The following PTPRM variants were observed in gnomAD, a reference collection of about 807,000 sequenced individuals.
The protein encoded by PTPRM is protein tyrosine phosphatase receptor type M, also known as receptor-type tyrosine-protein phosphatase mu.
In PTPRM, 47 loss-of-function variants were observed where a neutral mutation model predicts 186.7. That is an observed-to-expected ratio of 0.25 (90% CI 0.20 to 0.32). The LOEUF is 0.32. Among genes scored for constraint, PTPRM ranks in the 10% least tolerant of loss-of-function variants. The pLI is 1.00. For synonymous variants in PTPRM, 668 were observed against 674.9 expected, an observed-to-expected ratio of 0.99 and a Z score of 0.16; for missense variants, 1,494 against 1,865.0, an observed-to-expected ratio of 0.80 and a Z score of 3.66.
At chr18:8,259,578 T>C (rs1480266445) in intron 19 of PTPRM, among the ~76,000 whole-genome samples, 2 of 152,062 alleles carry the variant, frequency 1.3e-5, no homozygotes, top group African/African-American at 2.4e-5. Flanking sequence ...TGCCTTTGTC[T>C]ATATTTGACA....
At chr18:7,708,263 A>C (rs768761225) in intron 1 of PTPRM, among the ~76,000 whole-genome samples, 1 of 152,202 alleles carries the variant, frequency 6.6e-6, no homozygotes, top group African/African-American at 2.4e-5. Context: ...CTATACATCA[A>C]CCCAGTGGAT....
intron 1 of PTPRM, among the ~76,000 whole-genome samples, chr18:7,653,072 A>T (rs1187133652): frequency 6.6e-6 from 1 of 151,706 alleles, no homozygotes; most frequent in South Asian, 2.1e-4. Context: ...TGAACAATAC[A>T]TGTCATTAGG....
chr18:8,203,291 A>C (rs1285984703), intron 14 of PTPRM, among the ~76,000 whole-genome samples: 1 of 152,254 alleles, frequency 6.6e-6, no homozygotes, highest in African/African-American at 2.4e-5. Flanking sequence ...AAATCAGAGA[A>C]GTATGATACA....
chr18:8,241,787 G>C (rs958367176), intron 14 of PTPRM, among the ~76,000 whole-genome samples: 1 of 152,204 alleles, frequency 6.6e-6, no homozygotes, highest in Non-Finnish European at 1.5e-5. Flanking sequence ...ATGAAGGCTT[G>C]CAGAAGACAT....
intron 1 of PTPRM, among the ~76,000 whole-genome samples, chr18:7,573,137 CA>C (rs898687299): frequency 7.2e-5 from 11 of 152,240 alleles, no homozygotes; most frequent in Admixed American, 6.5e-5. Context: ...GAGAAAAAGA[CA>C]AAAACAGGAT....
chr18:7,938,325 A>G (rs1290651240), intron 5 of PTPRM, among the ~76,000 whole-genome samples: 3 of 152,132 alleles, frequency 2.0e-5, no homozygotes, highest in Admixed American at 6.5e-5. Context: ...AGGCATATTG[A>G]CTAAGGAAAA....
chr18:8,068,475 T>G (rs538572042), intron 7 of PTPRM, among the ~76,000 whole-genome samples: 2 of 152,328 alleles, frequency 1.3e-5, no homozygotes, highest in South Asian at 2.1e-4. Flanking sequence ...ATAAACAAAT[T>G]TAAGCTTTCT....
At chr18:8,077,113 T>C (rs553832151) in intron 9 of PTPRM, among the ~76,000 whole-genome samples, 76 of 152,304 alleles carry the variant, frequency 5.0e-4, no homozygotes, top group African/African-American at 1.8e-3. Context: ...AAGAATTTGA[T>C]GAATTGTTCA....
intron 9 of PTPRM, among the ~76,000 whole-genome samples, chr18:8,084,194 G>C (rs981827466): frequency 6.6e-6 from 1 of 152,128 alleles, no homozygotes; most frequent in Non-Finnish European, 1.5e-5. Flanking sequence ...CATGAGAGGG[G>C]CTCAATGAAT....
At chr18:8,001,454 G>A (rs377707828) in intron 7 of PTPRM, among the ~76,000 whole-genome samples, 3 of 152,028 alleles carry the variant, frequency 2.0e-5, no homozygotes, top group Admixed American at 1.3e-4. Context: ...TATCTGGCTC[G>A]AAAGGTGGAG....
At chr18:8,013,472 G>A (rs561262592) in intron 7 of PTPRM, among the ~76,000 whole-genome samples, 1 of 152,260 alleles carries the variant, frequency 6.6e-6, no homozygotes, top group South Asian at 2.1e-4. Context: ...TACTGAGAAA[G>A]TCTTAAGGCA....
chr18:7,772,332 CTTTT>C (rs1221065831), intron 1 of PTPRM, among the ~76,000 whole-genome samples: 1 of 138,148 alleles, frequency 7.2e-6, no homozygotes, highest in Non-Finnish European at 1.6e-5. Flanking sequence ...TTCGTTCTTT[CTTTT>C]CTTTCTTTCT....
intron 2 of PTPRM, among the ~76,000 whole-genome samples, chr18:7,780,876 G>C (rs967676501): frequency 4.3e-4 from 66 of 152,258 alleles, no homozygotes; most frequent in African/African-American, 1.5e-3. Context: ...CATGGAGGCT[G>C]AGTGATCCAG....
At chr18:8,022,012 TTA>T (rs1417140749) in intron 7 of PTPRM, among the ~76,000 whole-genome samples, 1 of 152,202 alleles carries the variant, frequency 6.6e-6, no homozygotes, top group East Asian at 1.9e-4. Flanking sequence ...TTTTGTGGTG[TTA>T]TGTTTGAAAA....
At chr18:8,267,372 C>G (rs1031473135) in intron 19 of PTPRM, among the ~76,000 whole-genome samples, 1 of 151,530 alleles carries the variant, frequency 6.6e-6, no homozygotes, top group African/African-American at 2.4e-5. Context: ...TTTCCAGGCC[C>G]AATTTTGTTG....
At chr18:8,021,841 T>C (rs1007042082) in intron 7 of PTPRM, among the ~76,000 whole-genome samples, 1 of 152,106 alleles carries the variant, frequency 6.6e-6, no homozygotes, top group African/African-American at 2.4e-5. Context: ...TCTCAGCCTC[T>C]CAAAATGCTG....
chr18:7,719,273 A>C (rs1779434137), intron 1 of PTPRM, among the ~76,000 whole-genome samples: 1 of 152,148 alleles, frequency 6.6e-6, no homozygotes, highest in Non-Finnish European at 1.5e-5. Context: ...CATTATTCTA[A>C]GTGAAGTAAC....
intron 5 of PTPRM, among the ~76,000 whole-genome samples, chr18:7,931,656 G>A (rs542927334): frequency 3.3e-5 from 5 of 152,238 alleles, no homozygotes; most frequent in South Asian, 2.1e-4. Context: ...AGCCGAGGTC[G>A]TGCCACTGCA....
chr18:7,625,203 T>C (rs1281549060), intron 1 of PTPRM, among the ~76,000 whole-genome samples: 1 of 152,216 alleles, frequency 6.6e-6, no homozygotes, highest in African/African-American at 2.4e-5. Context: ...CAGAATGTCA[T>C]CTCGAATCTG....
Sources: allele counts gnomAD v4.1 joint callset (sites outside exome capture counted in the v4.1 genomes callset), GRCh38; gene constraint gnomAD v4.1.1; transcripts MANE v1.5; gene names NCBI Gene and HGNC (gene_info 2026-07-23, HGNC 2026-07-21).